NUDCD3: variants seen among roughly 807,000 people sequenced by gnomAD.
The protein encoded by NUDCD3 is nudC domain-containing protein 3.
In NUDCD3, 13 loss-of-function variants were observed where a neutral mutation model predicts 39.7. That is an observed-to-expected ratio of 0.33 (90% CI 0.21 to 0.52). NUDCD3 has a LOEUF of 0.52. NUDCD3 is among the 20% of genes least tolerant of loss of function. The pLI, the probability that NUDCD3 is intolerant of heterozygous loss-of-function variation, is 0.96. For missense variants in NUDCD3, 453 were observed against 458.1 expected (o/e 0.99, Z 0.10); for synonymous variants, 175 against 172.4 (o/e 1.02, Z -0.12).
At chr7:44,465,475 G>A (rs192150874) in intron 2 of NUDCD3, among the ~76,000 whole-genome samples, 1 of 152,338 alleles carries the variant, frequency 6.6e-6, no homozygotes, top group East Asian at 1.9e-4. Context: ...TGAAAAAGTA[G>A]AGAATGTGGG....
chr7:44,467,825 A>G lies in NUDCD3; in HGVS notation c.509+17143T>C, dbSNP rs1585099083. ...AAAAACTAAGACCTCAGTAAAAAAAAAAAAAAGAAAAGAAAAGGCTCTCTT... is the reference window on the plus strand; with the variant it reads ...AAAAACTAAGACCTCAGTAAAAAAAGAAAAAAGAAAAGAAAAGGCTCTCTT... On this transcript the variant is annotated intron_variant, in intron 2 of 5. Coordinates refer to ENST00000355451, the MANE Select transcript of NUDCD3 (RefSeq NM_015332.4). 4.4e-6 allele frequency: 5 copies of G among 1,144,628 alleles called. No homozygotes were observed. The East Asian group carries it at 1.2e-4, about 28-fold the overall frequency. The allele number at this position is 1,144,628 out of a possible 1,614,324, so 70.9% of individuals were successfully genotyped here.
intron 2 of NUDCD3, among the ~76,000 whole-genome samples, chr7:44,442,852 C>A (rs1325407449): frequency 1.3e-5 from 2 of 152,016 alleles, no homozygotes; most frequent in Non-Finnish European, 2.9e-5. Flanking sequence ...CCCACCACTG[C>A]GCCTGGCTAA....
intron 2 of NUDCD3, among the ~76,000 whole-genome samples, chr7:44,440,110 G>A (rs1025479469): frequency 2.0e-5 from 3 of 152,220 alleles, no homozygotes; most frequent in Admixed American, 6.5e-5. Context: ...GGTACAGAGA[G>A]GGGACAACGG....
intron 4 of NUDCD3, chr7:44,402,965 A>G (rs1383659615): frequency 4.3e-6 from 1 of 233,276 alleles, no homozygotes; most frequent in South Asian, 4.9e-5. Flanking sequence ...CAAGTATGAC[A>G]TAAAGGAAAG....
At position 44,392,449 on chromosome 7, in the gene NUDCD3, C is replaced by T. The variant is rs1174300328; in HGVS notation, c.823G>A (p.Ala275Thr). 5 of 1,614,134 alleles carry T rather than the reference C, an allele frequency of 3.1e-6. No homozygotes were observed. Among genetic ancestry groups the T allele is most frequent in the South Asian group, 1.1e-5 (1 of 91,086 alleles). ...ATGGGCTCTTCTCCCTCCAGGATGG[C>T]GTTCCACCAATACTCGCCCACCTTG... ...LSKVGEYWWN[A>T]ILEGEEPIDI... The change falls in exon 5 of 6, where the codon GCC (alanine) becomes ACC (threonine). Residue 275 changes from alanine (A) to threonine (T), a missense_variant. Transcript: ENST00000355451.
intron 2 of NUDCD3, among the ~76,000 whole-genome samples, chr7:44,433,907 T>C (rs554096305): frequency 6.6e-6 from 1 of 152,304 alleles, no homozygotes; most frequent in South Asian, 2.1e-4. Context: ...CCCTTTTTCC[T>C]CCTGCTCCCA....
chr7:44,482,747 A>C (rs1016761823), intron 2 of NUDCD3, among the ~76,000 whole-genome samples: 2 of 152,240 alleles, frequency 1.3e-5, no homozygotes, highest in Non-Finnish European at 2.9e-5. Flanking sequence ...AAAGAAAAAG[A>C]AAATGTAACC....
rs140549891 is a variant in NUDCD3 at position 44,488,765 on chromosome 7, T to A, written c.192+1644A>T. Among the ~76,000 whole-genome samples, 80 of 152,274 alleles carry A rather than the reference T, an allele frequency of 5.3e-4. 1 individual carries two copies. In the East Asian group the frequency reaches 8.1e-3, roughly 15 times the overall value. ...CCCCTTCCTCCATCCCTGCTCCCCATCTCCACTACTTCATTAGACTGGTCA... is the reference window on the plus strand; with the variant it reads ...CCCCTTCCTCCATCCCTGCTCCCCAACTCCACTACTTCATTAGACTGGTCA... On this transcript the variant is annotated intron_variant, in intron 1 of 5. Transcript: ENST00000355451.
At chr7:44,397,958 T>C (rs1321438370) in intron 4 of NUDCD3, among the ~76,000 whole-genome samples, 1 of 152,156 alleles carries the variant, frequency 6.6e-6, no homozygotes, top group South Asian at 2.1e-4. Flanking sequence ...GATTAACTCA[T>C]GTGTGCACAC....
chr7:44,437,069 C>CTTTTTTTTTTTTTT (rs35904938), intron 2 of NUDCD3, among the ~76,000 whole-genome samples: 1 of 117,290 alleles, frequency 8.5e-6, no homozygotes, highest in Non-Finnish European at 1.8e-5. Context: ...CTTTTCTTTT[C>CTTTTTTTTTTTTTT]TTTTTTTTTT....
chr7:44,435,426 T>A (rs1244484015), intron 2 of NUDCD3, among the ~76,000 whole-genome samples: 1 of 151,944 alleles, frequency 6.6e-6, no homozygotes, highest in East Asian at 1.9e-4. Flanking sequence ...GACGGGACAA[T>A]CAGAAATAAA....
chr7:44,392,603 C>T, intron 4 of NUDCD3, 118 bp from the exon 5 acceptor site: 1 of 832,490 alleles, frequency 1.2e-6, no homozygotes, highest in Non-Finnish European at 1.9e-6. Flanking sequence ...ACCAACTACA[C>T]AAAGGGAGGT....
intron 2 of NUDCD3, among the ~76,000 whole-genome samples, chr7:44,453,957 G>A (rs1359012870): frequency 6.6e-6 from 1 of 152,084 alleles, no homozygotes; most frequent in African/African-American, 2.4e-5. Context: ...ATGGGAGGAC[G>A]GCTTGAGCCT....
At chr7:44,392,607 G>T in intron 4 of NUDCD3, 122 bp from the exon 5 acceptor site, 1 of 805,436 alleles carries the variant, frequency 1.2e-6, no homozygotes, top group South Asian at 1.8e-5. Context: ...ACTACACAAA[G>T]GGAGGTGACA....
At chr7:44,421,871 C>T (rs1165409178) in intron 3 of NUDCD3, among the ~76,000 whole-genome samples, 1 of 152,072 alleles carries the variant, frequency 6.6e-6, no homozygotes, top group Non-Finnish European at 1.5e-5. Flanking sequence ...ATTCTAAAAT[C>T]GACCACACAA....
rs1228510022 is a variant in NUDCD3 at position 44,490,528 on chromosome 7, C to T, written c.73G>A (p.Asp25Asn). 1 of 1,612,096 alleles carries T rather than the reference C, an allele frequency of 6.2e-7. No homozygotes were observed. Residue 25 changes from aspartate to asparagine, a missense_variant, in exon 1 of 6, where the codon GAT (aspartate) becomes AAT (asparagine). By Grantham distance (23) the Asp-to-Asn change is conservative (BLOSUM62 1). Coordinates refer to ENST00000355451, the MANE Select transcript of NUDCD3 (RefSeq NM_015332.4). Reference protein sequence around the residue: ...GILQHVGNVQDFLRVLFGFLY... With the variant: ...GILQHVGNVQNFLRVLFGFLY... Reference sequence around the variant, plus strand: ...AAGCCAAAGAGAACGCGCAGGAAATCCTGGACGTTGCCCACGTGCTGCAGG... The same window carrying T: ...AAGCCAAAGAGAACGCGCAGGAAATTCTGGACGTTGCCCACGTGCTGCAGG...
At chr7:44,403,234 G>A (rs149409047) in intron 4 of NUDCD3, among the ~76,000 whole-genome samples, 28 of 152,352 alleles carry the variant, frequency 1.8e-4, no homozygotes, top group African/African-American at 5.3e-4. Flanking sequence ...GCAGAGGTAG[G>A]CCCTGGGTGG....
chr7:44,427,585 C>A lies in NUDCD3; in HGVS notation c.628G>T (p.Val210Leu), dbSNP rs888320964. ...AAGGCCATTACCTGCTTTCCCTTCA[C>A]CACGTGCTTGGGTACTGGCACCCTG... ...EVRVPVPKHVVKGKQVSVALS... is the reference protein window; with the variant it reads ...EVRVPVPKHVLKGKQVSVALS... Residue 210 changes from valine (V) to leucine (L), a missense_variant, in exon 3 of 6, where the codon GTG becomes TTG. Val to Leu is a conservative substitution (Grantham distance 32, BLOSUM62 1). Transcript: ENST00000355451. The A allele has an allele frequency of 6.2e-6, 10 of 1,612,870 alleles. No homozygotes were observed. Among genetic ancestry groups the A allele is most frequent in the Non-Finnish European group, 8.5e-6 (10 of 1,179,496 alleles).
At chr7:44,489,782 C>A (rs906253744) in intron 1 of NUDCD3, 1 of 152,208 alleles carries the variant, frequency 6.6e-6, no homozygotes, top group Non-Finnish European at 1.5e-5. Flanking sequence ...TCACCTGCGG[C>A]AACTAAGAGT....
Sources: gnomAD v4.1 joint callset for allele counts (sites outside exome capture counted in the v4.1 genomes callset) on GRCh38, gnomAD v4.1.1 for gene constraint, MANE v1.5 for transcripts, NCBI Gene and HGNC (gene_info 2026-07-23, HGNC 2026-07-21) for gene names.